Variants in IKBKB-DT observed in about 807,000 individuals in gnomAD.
IKBKB-DT encodes IKBKB antisense RNA.
At chr8:42,262,807 C>T (rs1247783862) in intron 3 of IKBKB-DT, among the ~76,000 whole-genome samples, 1 of 150,114 alleles carries the variant, frequency 6.7e-6, no homozygotes, top group Non-Finnish European at 1.5e-5. Flanking sequence ...GGCGTAATCA[C>T]GGCTCACTGC....
chr8:42,270,281 C>G (rs1323310899), intron 1 of IKBKB-DT: 2 of 152,278 alleles, frequency 1.3e-5, no homozygotes, highest in African/African-American at 4.8e-5. Flanking sequence ...ATCCCTTGAG[C>G]CCAGGAGTTG....
chr8:42,237,089 T>TTTG (rs1554502438), intron 3 of IKBKB-DT, among the ~76,000 whole-genome samples: 60 of 151,268 alleles, frequency 4.0e-4, no homozygotes, highest in South Asian at 1.7e-3. Flanking sequence ...AGTTTTTTTT[T>TTTG]TTTGTTTGTT....
intron 3 of IKBKB-DT, among the ~76,000 whole-genome samples, chr8:42,257,567 T>G (rs747802075): frequency 5.4e-4 from 82 of 152,038 alleles, no homozygotes; most frequent in Admixed American, 1.3e-3. Context: ...TTAGGGGCCT[T>G]CAGGAAAATT....
intron 3 of IKBKB-DT, among the ~76,000 whole-genome samples, chr8:42,245,555 G>A (rs1287581847): frequency 6.6e-6 from 1 of 152,224 alleles, no homozygotes; most frequent in Non-Finnish European, 1.5e-5. Flanking sequence ...AGTAACGCAG[G>A]TTCTGTCTGA....
chr8:42,257,940 T>TG (rs1430888514), intron 3 of IKBKB-DT, among the ~76,000 whole-genome samples: 2 of 151,956 alleles, frequency 1.3e-5, no homozygotes, highest in African/African-American at 2.4e-5. Context: ...CTTTTTTTTT[T>TG]TTTTAGCTTA....
chr8:42,237,562 G>A (rs1806940860), intron 3 of IKBKB-DT, among the ~76,000 whole-genome samples: 1 of 152,058 alleles, frequency 6.6e-6, no homozygotes, highest in Admixed American at 6.6e-5. Context: ...AGTTGATGTG[G>A]GCCTTAGGAT....
chr8:42,235,959 C>T (rs1213862026), intron 3 of IKBKB-DT, among the ~76,000 whole-genome samples: 2 of 151,888 alleles, frequency 1.3e-5, no homozygotes, highest in Non-Finnish European at 2.9e-5. Flanking sequence ...GGTTGGGGGG[C>T]GGAGGTTGCA....
intron 3 of IKBKB-DT, among the ~76,000 whole-genome samples, chr8:42,237,060 C>A (rs1028937879): frequency 6.7e-6 from 1 of 148,798 alleles, no homozygotes; most frequent in Non-Finnish European, 1.5e-5. Flanking sequence ...AATCTTATCT[C>A]TTTTACGAGA....
intron 3 of IKBKB-DT, among the ~76,000 whole-genome samples, chr8:42,261,894 G>A (rs76778727): frequency 0.026 from 3,919 of 152,340 alleles, 79 homozygotes; most frequent in Non-Finnish European, 0.042. Context: ...ATTCTGGGGT[G>A]TCCCCGACCT....
intron 3 of IKBKB-DT, chr8:42,249,364 G>C (rs1807101339): frequency 6.6e-6 from 1 of 150,898 alleles, no homozygotes; most frequent in Non-Finnish European, 1.5e-5. Context: ...GCAGGCCCCT[G>C]TTTCAAAAAA....
intron 1 of IKBKB-DT, chr8:42,270,257 G>A (rs1346877653): frequency 6.6e-6 from 1 of 152,302 alleles, no homozygotes; most frequent in African/African-American, 2.4e-5. Flanking sequence ...ACTTTGGGAA[G>A]CCCAGGCGGG....
chr8:42,256,679 A>G lies in IKBKB-DT; in HGVS notation n.1529+6650T>C, dbSNP rs549193162. 2.6e-5 allele frequency among the ~76,000 whole-genome samples: 4 copies of G among 152,256 alleles called. No individual in the cohort carries two copies. The East Asian group carries it at 7.7e-4, about 29-fold the overall frequency. Reference sequence around the variant, plus strand: ...TTGATCTTTGGTTAGCAATTTCATGAATGAGTCAGTTTTTCCATTAGTGTT... The same window carrying G: ...TTGATCTTTGGTTAGCAATTTCATGGATGAGTCAGTTTTTCCATTAGTGTT... On this transcript the variant is annotated intron_variant and non_coding_transcript_variant, in intron 3 of 3. Coordinates refer to ENST00000518213, the Ensembl canonical transcript of IKBKB-DT.
Position 42,240,233 on chromosome 8 carries a change from T to C in IKBKB-DT, n.1530-6374A>G, listed in dbSNP as rs1806982812. 2.6e-5 allele frequency among the ~76,000 whole-genome samples: 4 copies of C among 151,948 alleles called. No individual in the cohort carries two copies. In the South Asian group the frequency reaches 8.3e-4, roughly 31 times the overall value. The stretch of plus-strand genomic sequence containing the variant: ...TGTTAGCCAAATGCTGTTTTTTTTT[T>C]TTTTGAGGAATCACTTTGGTTTTTT... On this transcript the variant is annotated intron_variant and non_coding_transcript_variant, in intron 3 of 3. Transcript: ENST00000518213.
intron 3 of IKBKB-DT, among the ~76,000 whole-genome samples, chr8:42,261,946 G>A (rs189486792): frequency 6.9e-4 from 105 of 152,334 alleles, no homozygotes; most frequent in Middle Eastern, 3.4e-3. Flanking sequence ...TAATCTGGGC[G>A]CCTCAGCAGG....
chr8:42,245,597 A>C (rs190347051), intron 3 of IKBKB-DT, among the ~76,000 whole-genome samples: 2 of 152,302 alleles, frequency 1.3e-5, no homozygotes, highest in African/African-American at 4.8e-5. Context: ...CAGCAAGATA[A>C]AGGAAGAGTG....
chr8:42,240,693 T>G (rs1806990511), intron 3 of IKBKB-DT, among the ~76,000 whole-genome samples: 2 of 134,892 alleles, frequency 1.5e-5, no homozygotes, highest in South Asian at 2.4e-4. Flanking sequence ...AAACAGAATG[T>G]GGGCCAGACA....
intron 1 of IKBKB-DT, among the ~76,000 whole-genome samples, chr8:42,269,169 AAT>A (rs1326997146): frequency 4.0e-5 from 6 of 150,814 alleles, no homozygotes; most frequent in Non-Finnish European, 5.9e-5. Flanking sequence ...AAAATTTAAA[AAT>A]TAGCTGGTCA....
At chr8:42,268,836 G>T (rs1437441767) in intron 1 of IKBKB-DT, among the ~76,000 whole-genome samples, 4 of 151,758 alleles carry the variant, frequency 2.6e-5, no homozygotes, top group African/African-American at 9.7e-5. Flanking sequence ...CAAAGTGCTG[G>T]GATTACAGGC....
intron 3 of IKBKB-DT, among the ~76,000 whole-genome samples, chr8:42,243,576 T>C (rs548437431): frequency 6.6e-6 from 1 of 152,354 alleles, no homozygotes; most frequent in South Asian, 2.1e-4. Flanking sequence ...TCATGGACAG[T>C]AGAAGAATAA....
Sources: gnomAD v4.1 joint callset for allele counts (sites outside exome capture counted in the v4.1 genomes callset) on GRCh38, gnomAD v4.1.1 for gene constraint, MANE v1.5 for transcripts, NCBI Gene and HGNC (gene_info 2026-07-23, HGNC 2026-07-21) for gene names.